Variants in KIF21A observed in about 807,000 individuals in gnomAD.
KIF21A encodes kinesin family member 21A.
KIF21A carries 114 observed loss-of-function variants against 202.9 expected under a neutral mutation model. The observed-to-expected ratio is 0.56, with a 90% CI of 0.48 to 0.66. The LOEUF (loss-of-function observed/expected upper bound fraction) is 0.66. KIF21A is among the 30% of genes least tolerant of loss of function. The pLI is 0.00. For synonymous variants in KIF21A, 667 were observed against 670.8 expected (o/e 0.99, Z 0.09); for missense variants, 1,677 against 1,994.9 (o/e 0.84, Z 3.04).
intron 22 of KIF21A, 142 bp from the exon 23 acceptor site, chr12:39,331,053 G>T (rs1293446261): frequency 5.0e-6 from 4 of 792,674 alleles, no homozygotes; most frequent in Non-Finnish European, 8.5e-6. Flanking sequence ...CCAGTAACTG[G>T]CTTAGTGATC....
chr12:39,423,663 A>G (rs565207837), intron 1 of KIF21A, among the ~76,000 whole-genome samples: 12 of 152,092 alleles, frequency 7.9e-5, no homozygotes, highest in Non-Finnish European at 1.5e-4. Context: ...AGCCTGACCA[A>G]CATGGAGAAA....
chr12:39,394,628 C>T (rs1021171085), intron 1 of KIF21A, among the ~76,000 whole-genome samples: 1 of 152,136 alleles, frequency 6.6e-6, no homozygotes, highest in African/African-American at 2.4e-5. Context: ...ATGATAATGT[C>T]ACAAGAATAT....
intron 1 of KIF21A, among the ~76,000 whole-genome samples, chr12:39,408,231 GT>G (rs1238160433): frequency 1.3e-5 from 2 of 152,050 alleles, no homozygotes; most frequent in Admixed American, 6.6e-5. Flanking sequence ...GGATAAAACT[GT>G]TCCACCTCAG....
chr12:39,401,867 T>C (rs1171386874), intron 1 of KIF21A, among the ~76,000 whole-genome samples: 1 of 152,156 alleles, frequency 6.6e-6, no homozygotes, highest in Admixed American at 6.6e-5. Flanking sequence ...ACTGTAGAAA[T>C]ACATGAAAAC....
chr12:39,402,541 A>T (rs914996448), intron 1 of KIF21A, among the ~76,000 whole-genome samples: 2 of 152,132 alleles, frequency 1.3e-5, no homozygotes, highest in Non-Finnish European at 2.9e-5. Flanking sequence ...TGTATTATAC[A>T]TACCTATACA....
At chr12:39,314,627 C>T (rs370038919) in intron 31 of KIF21A, among the ~76,000 whole-genome samples, 34 of 151,916 alleles carry the variant, frequency 2.2e-4, no homozygotes, top group African/African-American at 7.9e-4. Flanking sequence ...AAAAGCTAAA[C>T]AGTACCCTCA....
intron 1 of KIF21A, among the ~76,000 whole-genome samples, chr12:39,437,288 G>GTC (rs1938948207): frequency 2.0e-5 from 3 of 152,066 alleles, no homozygotes; most frequent in African/African-American, 7.2e-5. Context: ...GAGCTCAAGG[G>GTC]GTAGTAATAA....
intron 1 of KIF21A, among the ~76,000 whole-genome samples, chr12:39,401,637 C>T (rs1170989058): frequency 1.3e-5 from 2 of 152,146 alleles, no homozygotes; most frequent in Non-Finnish European, 2.9e-5. Flanking sequence ...ATGGGAGGAA[C>T]GCTTGGCTAA....
chr12:39,359,096 A>T (rs191821098), intron 7 of KIF21A, among the ~76,000 whole-genome samples: 1 of 152,322 alleles, frequency 6.6e-6, no homozygotes, highest in Admixed American at 6.5e-5. Context: ...ATTAAGGAGC[A>T]GTCTACTTAT....
chr12:39,384,056 C>A (rs888488134), intron 1 of KIF21A, among the ~76,000 whole-genome samples: 2 of 151,714 alleles, frequency 1.3e-5, no homozygotes, highest in African/African-American at 4.8e-5. Flanking sequence ...AAGACATCAG[C>A]CCAAGTAAGA....
chr12:39,355,710 TATATA>T (rs1948726631), intron 10 of KIF21A, among the ~76,000 whole-genome samples: 1 of 72,204 alleles, frequency 1.4e-5, no homozygotes, highest in South Asian at 4.2e-4. Flanking sequence ...TGAACAATTA[TATATA>T]TATATATATA....
chr12:39,308,863 T>C (rs1565671758), intron 33 of KIF21A, among the ~76,000 whole-genome samples: 1 of 152,172 alleles, frequency 6.6e-6, no homozygotes, highest in Non-Finnish European at 1.5e-5. Context: ...GTTCTCAAAT[T>C]ACAAAACAGC....
chr12:39,410,725 GT>G (rs937675889), intron 1 of KIF21A, among the ~76,000 whole-genome samples: 3 of 152,112 alleles, frequency 2.0e-5, no homozygotes, highest in East Asian at 3.9e-4. Flanking sequence ...ATTATACCAA[GT>G]TTTTTTGCTG....
chr12:39,332,590 C>T lies in KIF21A; in HGVS notation c.2856+1G>A. Reference sequence around the variant, plus strand: ...GCGTATCTACTCTCTATTTTCCACACCTTGAGGAGTCTATTCATATCTGCC... The same window carrying T: ...GCGTATCTACTCTCTATTTTCCACATCTTGAGGAGTCTATTCATATCTGCC... On this transcript the variant is annotated splice_donor_variant, in intron 20 of 37. Coordinates refer to ENST00000361418, the MANE Select transcript of KIF21A (RefSeq NM_001173464.2). LOFTEE classifies it high-confidence loss of function. The T allele has an allele frequency of 6.2e-7, 1 of 1,611,588 alleles. No homozygotes were observed. Among genetic ancestry groups the T allele is most frequent in the South Asian group, 1.1e-5 (1 of 91,012 alleles).
intron 35 of KIF21A, 82 bp downstream of exon 35, chr12:39,304,739 G>GA: frequency 1.3e-6 from 1 of 770,328 alleles, no homozygotes; most frequent in South Asian, 1.5e-5. Flanking sequence ...GAAAATAAGA[G>GA]AAAGAGGTCC....
chr12:39,421,894 A>G (rs1237251547), intron 1 of KIF21A, among the ~76,000 whole-genome samples: 1 of 149,298 alleles, frequency 6.7e-6, no homozygotes, highest in Non-Finnish European at 1.5e-5. Flanking sequence ...CAGAAATAAA[A>G]TAACATTTTT....
chr12:39,363,008 C>A, intron 7 of KIF21A, 90 bp downstream of exon 7: 1 of 845,014 alleles, frequency 1.2e-6, no homozygotes, highest in South Asian at 1.4e-5. Context: ...GTTTGCTTTG[C>A]AATAAAAGTA....
chr12:39,387,504 C>T (rs1951029021), intron 1 of KIF21A, among the ~76,000 whole-genome samples: 1 of 152,130 alleles, frequency 6.6e-6, no homozygotes, highest in South Asian at 2.1e-4. Context: ...TCATGATTCC[C>T]ACATACAGGA....
At chr12:39,378,491 T>C (rs1398712793) in intron 1 of KIF21A, among the ~76,000 whole-genome samples, 2 of 152,108 alleles carry the variant, frequency 1.3e-5, no homozygotes, top group Admixed American at 6.5e-5. Flanking sequence ...CTCCCGGAAA[T>C]AGAAAGCCTC....
Sources: allele counts gnomAD v4.1 joint callset (sites outside exome capture counted in the v4.1 genomes callset), GRCh38; gene constraint gnomAD v4.1.1; transcripts MANE v1.5; gene names NCBI Gene and HGNC (gene_info 2026-07-23, HGNC 2026-07-21).